AJAP1: variants seen among roughly 807,000 people sequenced by gnomAD.
AJAP1 encodes adherens junction-associated protein 1.
A neutral mutation model predicts 35.0 loss-of-function variants in AJAP1; 5 were observed. The observed-to-expected ratio is 0.14, with a 90% CI of 0.07 to 0.30. The LOEUF is 0.30. AJAP1 is among the 10% of genes least tolerant of loss of function. AJAP1 has a pLI of 1.00. For missense variants in AJAP1, 586 were observed against 571.0 expected, an observed-to-expected ratio of 1.03 and a Z score of -0.27; for synonymous variants, 284 against 249.3, an observed-to-expected ratio of 1.14 and a Z score of -1.31.
At chr1:4,774,844 G>C (rs1399391100) in intron 5 of AJAP1, among the ~76,000 whole-genome samples, 1 of 152,000 alleles carries the variant, frequency 6.6e-6, no homozygotes, top group Admixed American at 6.5e-5. Flanking sequence ...CCTTCCCTCA[G>C]GAAGGCCACC....
intron 1 of AJAP1, among the ~76,000 whole-genome samples, chr1:4,696,512 G>A (rs1283762867): frequency 6.6e-6 from 1 of 152,230 alleles, no homozygotes; most frequent in Non-Finnish European, 1.5e-5. Flanking sequence ...CTGACGGGCA[G>A]CCGCCAGGGC....
rs2100496484 is a variant in AJAP1, at chr1:4,655,581, GC to G, written c.29+128del. On this transcript the variant is annotated intron_variant, in intron 1 of 5. Coordinates refer to ENST00000378191, the MANE Select transcript of AJAP1 (RefSeq NM_018836.4). The surrounding 1 kb of genome is among the most constrained non-coding windows in gnomAD (Gnocchi z 6.9). ...GCTTCCCGCAAGCGGGCAACGGGGT[GC>G]ACCGGTAGCCGGAAAGGGGCGCCCG... 8.2e-7 allele frequency: 1 copy of G among 1,223,372 alleles called. No homozygotes were observed. The highest frequency in any genetic ancestry group is 2.8e-5 in the Admixed American group (1 of 35,618). The allele number at this position is 1,223,372 out of a possible 1,614,324, so 75.8% of individuals were successfully genotyped here.
intron 1 of AJAP1, among the ~76,000 whole-genome samples, chr1:4,665,234 T>C (rs1639089744): frequency 2.0e-5 from 3 of 151,800 alleles, no homozygotes; most frequent in African/African-American, 7.3e-5. Context: ...GAGACAAGAG[T>C]AAGCATGTTT....
rs531284508 is a variant in AJAP1, at chr1:4,723,153, G to A, written c.829+10454G>A. ...CATCTAGAGGGTCCCTGAGGTTTTA[G>A]TCTGAGCAACTCTTTCTTCAGCTGA... On this transcript the variant is annotated intron_variant, in intron 2 of 5. Coordinates refer to ENST00000378191, the MANE Select transcript of AJAP1 (RefSeq NM_018836.4). The surrounding 1 kb of genome is among the most constrained non-coding windows in gnomAD (Gnocchi z 4.3). 2.0e-5 allele frequency among the ~76,000 whole-genome samples: 3 copies of A among 152,286 alleles called. No homozygotes were observed. Among genetic ancestry groups the A allele is most frequent in the South Asian group, 2.1e-4 (1 of 4,820 alleles).
chr1:4,668,188 T>C (rs1457395213), intron 1 of AJAP1, among the ~76,000 whole-genome samples: 1 of 146,802 alleles, frequency 6.8e-6, no homozygotes, highest in African/African-American at 2.5e-5. Context: ...CACTGCAGCC[T>C]GGGTGACAGA....
At chr1:4,753,920 T>C (rs1388390153) in intron 2 of AJAP1, among the ~76,000 whole-genome samples, 1 of 152,232 alleles carries the variant, frequency 6.6e-6, no homozygotes, top group East Asian at 1.9e-4. Context: ...ACTTACTTAT[T>C]CTATGAGACT....
At chr1:4,703,155 G>C (rs775763515) in intron 1 of AJAP1, among the ~76,000 whole-genome samples, 1 of 152,222 alleles carries the variant, frequency 6.6e-6, no homozygotes, top group Admixed American at 6.5e-5. Context: ...AGAGCGCGGA[G>C]TGGCTCTGAC....
intron 1 of AJAP1, among the ~76,000 whole-genome samples, chr1:4,705,614 A>G (rs1267245732): frequency 1.3e-5 from 2 of 151,520 alleles, no homozygotes; most frequent in Admixed American, 1.3e-4. Context: ...GGTACCCTGT[A>G]TGAGGCAGAT....
At chr1:4,746,813 C>T (rs72638897) in intron 2 of AJAP1, among the ~76,000 whole-genome samples, 10,944 of 152,194 alleles carry the variant, frequency 0.072, 479 homozygotes, top group Middle Eastern at 0.11. Context: ...CTGTGTGCTC[C>T]CCAGCCTGGG....
chr1:4,756,078 C>CA (rs1641424468), intron 2 of AJAP1, among the ~76,000 whole-genome samples: 1 of 152,066 alleles, frequency 6.6e-6, no homozygotes, highest in Non-Finnish European at 1.5e-5. Context: ...CCCAGACAAG[C>CA]CTAGGAGAAG....
At position 4,723,085 on chromosome 1, in the gene AJAP1, G is replaced by A. The variant is rs1478918721; in HGVS notation, c.829+10386G>A. Among the ~76,000 whole-genome samples the A allele has an allele frequency of 6.6e-6, 1 of 152,166 alleles. No homozygotes were observed. Among genetic ancestry groups the A allele is most frequent in the Non-Finnish European group, 1.5e-5 (1 of 68,020 alleles). On this transcript the variant is annotated intron_variant, in intron 2 of 5. Coordinates refer to ENST00000378191, the MANE Select transcript of AJAP1 (RefSeq NM_018836.4). The surrounding 1 kb of genome is among the most constrained non-coding windows in gnomAD (Gnocchi z 4.3). ...GTGATAACTTGTAGAGAGGTGGGAC[G>A]CGAGCCCCAAGAGAGCATCGGCTGG...
chr1:4,738,473 C>T (rs553108091), intron 2 of AJAP1, among the ~76,000 whole-genome samples: 4 of 152,134 alleles, frequency 2.6e-5, no homozygotes, highest in East Asian at 1.9e-4. Flanking sequence ...GCACTCTAGG[C>T]GGGAGGGAAG....
chr1:4,778,721 G>A (rs1017890713), intron 5 of AJAP1, among the ~76,000 whole-genome samples: 6 of 152,258 alleles, frequency 3.9e-5, no homozygotes, highest in South Asian at 2.1e-4. Context: ...CTGCATAGCC[G>A]GGGATGTCTG....
Position 4,782,674 on chromosome 1 carries a change from G to T in AJAP1, c.*189G>T. The T allele has an allele frequency of 2.5e-6, 1 of 398,462 alleles. No individual in the cohort carries two copies. The highest frequency in any genetic ancestry group is 1.3e-4 in the South Asian group (1 of 7,738). 24.7% of individuals were successfully genotyped at this position (398,462 alleles called of 1,614,324 possible). A position where few individuals can be genotyped will look rare whatever the true frequency, so the allele number is the denominator to read the frequency against. ...TCTGTTTGCCGGTGGGAAACTCACAGAGCAGGACGCTCTAGGCCAAATCTA... is the reference window on the plus strand; with the variant it reads ...TCTGTTTGCCGGTGGGAAACTCACATAGCAGGACGCTCTAGGCCAAATCTA... On this transcript the variant is annotated 3_prime_UTR_variant, in exon 6 of 6. Coordinates refer to ENST00000378191, the MANE Select transcript of AJAP1 (RefSeq NM_018836.4). The surrounding 1 kb of genome is among the most constrained non-coding windows in gnomAD (Gnocchi z 5.3).
At chr1:4,705,718 A>C (rs919623496) in intron 1 of AJAP1, among the ~76,000 whole-genome samples, 1 of 152,130 alleles carries the variant, frequency 6.6e-6, no homozygotes, top group Non-Finnish European at 1.5e-5. Flanking sequence ...GGAGCATTCT[A>C]TGCAATCCCT....
At chr1:4,662,812 C>T (rs565863151) in intron 1 of AJAP1, among the ~76,000 whole-genome samples, 6 of 152,362 alleles carry the variant, frequency 3.9e-5, no homozygotes, top group African/African-American at 1.4e-4. Context: ...CGAGTGCATT[C>T]TGCCACGGGG....
At chr1:4,694,758 A>G (rs1316808385) in intron 1 of AJAP1, among the ~76,000 whole-genome samples, 1 of 152,214 alleles carries the variant, frequency 6.6e-6, no homozygotes, top group Non-Finnish European at 1.5e-5. Context: ...GGTGGGACCT[A>G]CAGCCAGCAG....
intron 2 of AJAP1, among the ~76,000 whole-genome samples, chr1:4,756,740 C>T (rs1641440776): frequency 1.3e-5 from 2 of 152,232 alleles, no homozygotes; most frequent in African/African-American, 4.8e-5. Flanking sequence ...AACAAGTTTG[C>T]TTTCTGGAGG....
chr1:4,744,226 G>T (rs1340188912), intron 2 of AJAP1, among the ~76,000 whole-genome samples: 1 of 152,228 alleles, frequency 6.6e-6, no homozygotes, highest in Admixed American at 6.5e-5. Flanking sequence ...TGGCAGGCGT[G>T]TCTCGTCTGG....
Sources: allele counts gnomAD v4.1 joint callset (sites outside exome capture counted in the v4.1 genomes callset), GRCh38; gene constraint gnomAD v4.1.1; non-coding constraint Gnocchi (gnomAD v3.1); transcripts MANE v1.5; gene names NCBI Gene and HGNC (gene_info 2026-07-23, HGNC 2026-07-21).